Variants in SH3BGRL observed in about 807,000 individuals in gnomAD.
The protein encoded by SH3BGRL is adapter SH3BGRL.
A neutral mutation model predicts 9.8 loss-of-function variants in SH3BGRL; 7 were observed. The observed-to-expected ratio is 0.72, with a 90% CI of 0.41 to 1.35. The LOEUF (loss-of-function observed/expected upper bound fraction) is 1.35. SH3BGRL is among the 40% of genes most tolerant of loss of function. The pLI is 0.01. For missense variants in SH3BGRL, 73 were observed against 84.4 expected, an observed-to-expected ratio of 0.86 and a Z score of 0.53; for synonymous variants, 36 against 29.1, an observed-to-expected ratio of 1.24 and a Z score of -0.76.
chrX:81,233,429 A>G (rs773478414), intron 1 of SH3BGRL, among the ~76,000 whole-genome samples: 97 of 111,568 alleles, frequency 8.7e-4, no homozygotes, highest in Non-Finnish European at 1.3e-3. Flanking sequence ...ATATAAGGAA[A>G]ATCAGTGTGC....
At chrX:81,205,288 G>T (rs770101892) in intron 1 of SH3BGRL, among the ~76,000 whole-genome samples, 10 of 110,378 alleles carry the variant, frequency 9.1e-5, no homozygotes, top group African/African-American at 3.3e-4. Context: ...TCATGGGATC[G>T]ACTTTTTTAG....
chrX:81,295,165 G>A (rs955891760), intron 3 of SH3BGRL, among the ~76,000 whole-genome samples: 2 of 111,833 alleles, frequency 1.8e-5, no homozygotes, highest in Non-Finnish European at 3.8e-5. Context: ...TTTTGGGAAG[G>A]CATGACTAGT....
chrX:81,221,371 C>T (rs1347780179), intron 1 of SH3BGRL, among the ~76,000 whole-genome samples: 1 of 111,890 alleles, frequency 8.9e-6, no homozygotes, highest in Non-Finnish European at 1.9e-5. Flanking sequence ...TACAATTAAA[C>T]TTGATAAGAA....
intron 1 of SH3BGRL, among the ~76,000 whole-genome samples, chrX:81,213,435 T>A (rs1486095988): frequency 8.9e-6 from 1 of 112,442 alleles, no homozygotes; most frequent in East Asian, 2.8e-4. Flanking sequence ...TAAAAGCATA[T>A]GATAAAAAGA....
At chrX:81,204,139 T>C (rs1443633297) in intron 1 of SH3BGRL, among the ~76,000 whole-genome samples, 1 of 112,336 alleles carries the variant, frequency 8.9e-6, no homozygotes, top group Non-Finnish European at 1.9e-5. Context: ...GGTATTTGTA[T>C]TTTATTTCAA....
intron 1 of SH3BGRL, among the ~76,000 whole-genome samples, chrX:81,238,255 G>A (rs1243434288): frequency 1.8e-5 from 2 of 111,388 alleles, no homozygotes; most frequent in Non-Finnish European, 3.8e-5. Context: ...GGCCTGAAGG[G>A]AGCCCACTGC....
At chrX:81,245,003 G>T (rs2075683851) in intron 1 of SH3BGRL, among the ~76,000 whole-genome samples, 1 of 111,848 alleles carries the variant, frequency 8.9e-6, no homozygotes, top group South Asian at 3.7e-4. Flanking sequence ...TTTAGTTCTT[G>T]GGCCTGAAAG....
At chrX:81,235,070 A>G (rs1484178431) in intron 1 of SH3BGRL, among the ~76,000 whole-genome samples, 2 of 111,763 alleles carry the variant, frequency 1.8e-5, no homozygotes, top group Non-Finnish European at 3.8e-5. Context: ...CCCTTTCTTT[A>G]TCTGTCAAAT....
intron 3 of SH3BGRL, among the ~76,000 whole-genome samples, chrX:81,288,315 G>C (rs1181163667): frequency 8.9e-6 from 1 of 111,929 alleles, no homozygotes; most frequent in African/African-American, 3.2e-5. Flanking sequence ...ATATATGACT[G>C]AACCACAGCT....
chrX:81,264,622 A>T (rs2075750659), intron 1 of SH3BGRL, among the ~76,000 whole-genome samples: 2 of 109,072 alleles, frequency 1.8e-5, no homozygotes. Context: ...TATAGGGGCA[A>T]CTCTAGGCAA....
chrX:81,294,876 A>G (rs1227457131), intron 3 of SH3BGRL, among the ~76,000 whole-genome samples: 1 of 112,384 alleles, frequency 8.9e-6, no homozygotes, highest in Non-Finnish European at 1.9e-5. Context: ...TGGATGTGAG[A>G]CATGGAGTCA....
intron 1 of SH3BGRL, among the ~76,000 whole-genome samples, chrX:81,261,357 T>C (rs2075740812): frequency 9.0e-6 from 1 of 111,601 alleles, no homozygotes; most frequent in African/African-American, 3.3e-5. Flanking sequence ...CTATTATCAC[T>C]TAATTGACCT....
At chrX:81,204,091 C>G (rs2075538434) in intron 1 of SH3BGRL, among the ~76,000 whole-genome samples, 1 of 111,306 alleles carries the variant, frequency 9.0e-6, no homozygotes, top group Non-Finnish European at 1.9e-5. Context: ...CTTTGTTGGA[C>G]TTTATTGTTG....
chrX:81,218,514 G>A, intron 1 of SH3BGRL, among the ~76,000 whole-genome samples: 1 of 108,471 alleles, frequency 9.2e-6, no homozygotes, highest in African/African-American at 3.3e-5. Flanking sequence ...AGTTTCACTG[G>A]ATACAAAATT....
intron 3 of SH3BGRL, among the ~76,000 whole-genome samples, chrX:81,285,735 TTATC>T (rs1308404129): frequency 9.0e-6 from 1 of 111,607 alleles, no homozygotes; most frequent in African/African-American, 3.2e-5. Flanking sequence ...CAAAAATAGT[TTATC>T]TACTGAATGA....
In SH3BGRL at chrX:81,202,204, G is replaced by T; in HGVS notation, c.4G>T (p.Val2Leu). 1 of 1,209,085 alleles carries T rather than the reference G, an allele frequency of 8.3e-7. No individual in the cohort carries two copies. Among genetic ancestry groups the T allele is most frequent in the Non-Finnish European group, 1.1e-6 (1 of 894,243 alleles). The change falls in exon 1 of 4, where the codon GTG (valine) becomes TTG (leucine). Residue 2 changes from valine to leucine, a missense_variant. By Grantham distance (32) the Val-to-Leu change is conservative (BLOSUM62 1). Transcript: ENST00000373212. Reference protein sequence around the residue: MVIRVYIASSSG... With the variant: MLIRVYIASSSG... ...AACCGCAGCCGCTGTTCCCAGGATGGTGATCCGTGTATATATTGCATCTTC... is the reference window on the plus strand; with the variant it reads ...AACCGCAGCCGCTGTTCCCAGGATGTTGATCCGTGTATATATTGCATCTTC...
At chrX:81,266,609 C>A (rs1162376417) in intron 1 of SH3BGRL, among the ~76,000 whole-genome samples, 4 of 111,477 alleles carry the variant, frequency 3.6e-5, no homozygotes, top group African/African-American at 1.3e-4. Context: ...GTTACTGTAG[C>A]CTTGTAGTAA....
At chrX:81,274,936 T>G (rs1371825252) in intron 1 of SH3BGRL, among the ~76,000 whole-genome samples, 1 of 111,023 alleles carries the variant, frequency 9.0e-6, no homozygotes, top group Non-Finnish European at 1.9e-5. Flanking sequence ...TAGAACACAC[T>G]AGTAGGTATG....
intron 1 of SH3BGRL, among the ~76,000 whole-genome samples, chrX:81,215,795 C>T (rs1210734240): frequency 9.0e-6 from 1 of 111,699 alleles, no homozygotes; most frequent in Non-Finnish European, 1.9e-5. Context: ...AATTTTCTTG[C>T]CATTTCACTA....
Sources: allele counts gnomAD v4.1 joint callset (sites outside exome capture counted in the v4.1 genomes callset), GRCh38; gene constraint gnomAD v4.1.1; transcripts MANE v1.5; gene names NCBI Gene and HGNC (gene_info 2026-07-23, HGNC 2026-07-21).